Variants in RERE observed in about 807,000 individuals in gnomAD.
RERE encodes arginine-glutamic acid dipeptide repeats protein.
Under a neutral mutation model 146.1 loss-of-function variants are expected in RERE, and 40 were observed. The ratio of observed to expected loss-of-function variants is 0.27; its 90% CI spans 0.21 to 0.36. The LOEUF is 0.36. Ranked by LOEUF, RERE falls within the 10% of genes least tolerant of loss-of-function variation. The pLI is 1.00. For synonymous variants in RERE, 1,003 were observed against 866.0 expected (o/e 1.16, Z -2.78); for missense variants, 1,933 against 2,138.7 (o/e 0.90, Z 1.90).
Position 8,529,055 on chromosome 1 carries a change from G to A in RERE, c.830+12159C>T, listed in dbSNP as rs548886855. Among the ~76,000 whole-genome samples, 4 of 151,962 alleles carry A rather than the reference G, an allele frequency of 2.6e-5. No individual in the cohort carries two copies. The East Asian group carries it at 5.8e-4, about 22-fold the overall frequency. ...TTAGAGATGCTCAACCTATAATAGA[G>A]CAAACCTATAATAAAGTTTAAAAGG... is the stretch of plus-strand genomic sequence containing the variant. On this transcript the variant is annotated intron_variant, in intron 7 of 22. Transcript: ENST00000400908.
At chr1:8,537,457 T>C (rs1645742244) in intron 7 of RERE, among the ~76,000 whole-genome samples, 1 of 152,140 alleles carries the variant, frequency 6.6e-6, no homozygotes, top group Admixed American at 6.5e-5. Flanking sequence ...ATTAAGAATA[T>C]AAATAGCCTC....
intron 12 of RERE, among the ~76,000 whole-genome samples, chr1:8,412,747 C>T (rs943165042): frequency 3.3e-5 from 5 of 152,218 alleles, no homozygotes; most frequent in Non-Finnish European, 7.3e-5. Context: ...CAGGAAGGAC[C>T]AGTGTGGCAG....
chr1:8,650,871 T>TG (rs1647590559), intron 2 of RERE, among the ~76,000 whole-genome samples: 1 of 149,000 alleles, frequency 6.7e-6, no homozygotes, highest in Admixed American at 6.7e-5. Flanking sequence ...CCCTCCAGCC[T>TG]GGCGACAGAG....
intron 4 of RERE, among the ~76,000 whole-genome samples, chr1:8,604,015 G>A (rs1478550389): frequency 6.6e-6 from 1 of 151,960 alleles, no homozygotes; most frequent in Non-Finnish European, 1.5e-5. Context: ...TTTTACACTA[G>A]TTACTGGAGT....
At chr1:8,795,029 T>G (rs2124581378) in intron 1 of RERE, among the ~76,000 whole-genome samples, 1 of 152,196 alleles carries the variant, frequency 6.6e-6, no homozygotes, top group East Asian at 1.9e-4. Context: ...TTACCCAGAC[T>G]GTCTTTTATT....
At chr1:8,389,299 G>A (rs941575435) in intron 12 of RERE, among the ~76,000 whole-genome samples, 5 of 152,194 alleles carry the variant, frequency 3.3e-5, no homozygotes, top group Non-Finnish European at 7.3e-5. Context: ...CCACTCTCAT[G>A]TCTGTGTAAA....
intron 8 of RERE, among the ~76,000 whole-genome samples, chr1:8,501,258 C>T (rs1319921571): frequency 7.4e-6 from 1 of 134,568 alleles, no homozygotes; most frequent in African/African-American, 2.9e-5. Flanking sequence ...AGGTGAGGGG[C>T]GCCTCTGCCC....
At chr1:8,441,328 C>T (rs1343410303) in intron 11 of RERE, among the ~76,000 whole-genome samples, 3 of 152,322 alleles carry the variant, frequency 2.0e-5, no homozygotes, top group East Asian at 1.9e-4. Context: ...CCTGAGAAGG[C>T]ACACGCTCCT....
intron 1 of RERE, among the ~76,000 whole-genome samples, chr1:8,701,679 G>A (rs1337525184): frequency 4.6e-5 from 7 of 152,136 alleles, no homozygotes; most frequent in African/African-American, 1.4e-4. Flanking sequence ...CCTGCCAAGC[G>A]CCAGCGCCTG....
chr1:8,529,284 C>CTTT (rs1185715350), intron 7 of RERE, among the ~76,000 whole-genome samples: 13 of 84,536 alleles, frequency 1.5e-4, no homozygotes, highest in African/African-American at 6.0e-4. Context: ...TCAGTTCTCC[C>CTTT]TTCTTTTTTT....
intron 12 of RERE, among the ~76,000 whole-genome samples, chr1:8,406,767 A>G (rs527595146): frequency 6.6e-6 from 1 of 151,100 alleles, no homozygotes; most frequent in Admixed American, 6.6e-5. Flanking sequence ...GAACACGTTG[A>G]GAATTTAGAA....
At chr1:8,770,114 T>A (rs1056268695) in intron 1 of RERE, among the ~76,000 whole-genome samples, 1 of 152,082 alleles carries the variant, frequency 6.6e-6, no homozygotes, top group Admixed American at 6.6e-5. Flanking sequence ...TTAAGTACAC[T>A]AATATATTGG....
intron 10 of RERE, among the ~76,000 whole-genome samples, chr1:8,468,696 C>T (rs1170402514): frequency 6.6e-6 from 1 of 152,050 alleles, no homozygotes; most frequent in Non-Finnish European, 1.5e-5. Context: ...CTAACCTGGG[C>T]AACATAGTGA....
At chr1:8,721,788 G>T (rs1041120355) in intron 1 of RERE, among the ~76,000 whole-genome samples, 1 of 152,166 alleles carries the variant, frequency 6.6e-6, no homozygotes, top group Admixed American at 6.5e-5. Flanking sequence ...GCTTAAATAT[G>T]TAAGATGGGT....
chr1:8,735,612 T>C (rs1457285753), intron 1 of RERE, among the ~76,000 whole-genome samples: 1 of 152,110 alleles, frequency 6.6e-6, no homozygotes, highest in Non-Finnish European at 1.5e-5. Flanking sequence ...CACCCAAATC[T>C]CATGTCAAAT....
At chr1:8,365,199 G>C (rs901994357) in intron 13 of RERE, among the ~76,000 whole-genome samples, 3 of 152,144 alleles carry the variant, frequency 2.0e-5, no homozygotes, top group African/African-American at 7.2e-5. Flanking sequence ...TTCACCGAGC[G>C]CCCCCAACCC....
At chr1:8,466,809 C>T (rs891163646) in intron 10 of RERE, among the ~76,000 whole-genome samples, 2 of 152,156 alleles carry the variant, frequency 1.3e-5, no homozygotes, top group Non-Finnish European at 2.9e-5. Context: ...TCTTTTCAAC[C>T]CTGTGTAGTG....
Position 8,360,690 on chromosome 1 carries a change from C to A in RERE, c.2817G>T (p.Leu939=). 6.5e-7 allele frequency: 1 copy of A among 1,548,396 alleles called. No individual in the cohort carries two copies. Among genetic ancestry groups the A allele is most frequent in the Non-Finnish European group, 8.7e-7 (1 of 1,149,276 alleles). ...KPPPTTPIPQ[L]PAPQAHKHPP... Reference sequence around the variant, plus strand: ...GGTGCTTGTGGGCCTGTGGCGCCGGCAGCTGGGGGATGGGAGTGGTAGGCG... The same window carrying A: ...GGTGCTTGTGGGCCTGTGGCGCCGGAAGCTGGGGGATGGGAGTGGTAGGCG... Residue 939 remains leucine, a synonymous_variant, in exon 18 of 23, where the codon CTG becomes CTT. Transcript: ENST00000400908.
At chr1:8,775,186 C>T (rs1001781122) in intron 1 of RERE, among the ~76,000 whole-genome samples, 2 of 152,010 alleles carry the variant, frequency 1.3e-5, no homozygotes, top group Non-Finnish European at 1.5e-5. Flanking sequence ...GTCTCGATCT[C>T]TTGACCTTGT....
Sources: gnomAD v4.1 joint callset for allele counts (sites outside exome capture counted in the v4.1 genomes callset) on GRCh38, gnomAD v4.1.1 for gene constraint, MANE v1.5 for transcripts, NCBI Gene and HGNC (gene_info 2026-07-23, HGNC 2026-07-21) for gene names.